SDK1: variants seen among roughly 807,000 people sequenced by gnomAD.
The protein encoded by SDK1 is sidekick cell adhesion molecule 1, also known as protein sidekick-1.
SDK1 carries 157 observed loss-of-function variants against 245.5 expected under a neutral mutation model. That is an observed-to-expected ratio of 0.64 (90% CI 0.56 to 0.73). The LOEUF is 0.73. Ranked by LOEUF, SDK1 falls within the 30% of genes least tolerant of loss-of-function variation. The pLI is 0.00. For missense variants in SDK1, 3,583 were observed against 3,002.3 expected (o/e 1.19, Z -4.52); for synonymous variants, 1,647 against 1,278.5 (o/e 1.29, Z -6.15).
At chr7:3,612,797 T>C (rs1781642574) in intron 1 of SDK1, among the ~76,000 whole-genome samples, 1 of 152,182 alleles carries the variant, frequency 6.6e-6, no homozygotes, top group African/African-American at 2.4e-5. Context: ...ACTGGCATTC[T>C]GGTCCTCCCG....
chr7:3,713,230 G>T (rs192321661), intron 4 of SDK1, among the ~76,000 whole-genome samples: 6 of 152,200 alleles, frequency 3.9e-5, no homozygotes, highest in African/African-American at 1.4e-4. Flanking sequence ...GTCTTCCTTT[G>T]TTAGGATAAG....
chr7:3,641,844 G>A (rs1782659653), intron 3 of SDK1, 114 bp from the exon 4 acceptor site: 1 of 841,420 alleles, frequency 1.2e-6, no homozygotes, highest in Middle Eastern at 2.5e-4. Context: ...GTCCTGGTGT[G>A]AAATGTGGCA....
chr7:3,727,519 C>T (rs943710374), intron 4 of SDK1, among the ~76,000 whole-genome samples: 1 of 152,120 alleles, frequency 6.6e-6, no homozygotes, highest in Non-Finnish European at 1.5e-5. Flanking sequence ...GAGACGGAGC[C>T]TCGCTCTGTC....
intron 1 of SDK1, among the ~76,000 whole-genome samples, chr7:3,346,696 T>C (rs1780507626): frequency 7.5e-6 from 1 of 133,392 alleles, no homozygotes; most frequent in Non-Finnish European, 1.6e-5. Context: ...TGTGTGTATG[T>C]GTGTTTGTGT....
intron 1 of SDK1, among the ~76,000 whole-genome samples, chr7:3,494,607 A>G (rs371214254): frequency 9.2e-5 from 14 of 152,200 alleles, no homozygotes; most frequent in Admixed American, 9.2e-4. Flanking sequence ...CTTAGCATTT[A>G]TTGTTCCTGT....
At chr7:3,391,635 ATT>A (rs10667421) in intron 1 of SDK1, among the ~76,000 whole-genome samples, 1,578 of 130,244 alleles carry the variant, frequency 0.012, 30 homozygotes, top group African/African-American at 0.04. Flanking sequence ...CTGTTAACTG[ATT>A]TTTTTTTTTT....
intron 5 of SDK1, among the ~76,000 whole-genome samples, chr7:3,907,995 T>C (rs566227419): frequency 6.6e-6 from 1 of 152,302 alleles, no homozygotes; most frequent in Admixed American, 6.5e-5. Flanking sequence ...TTGGGGGTGA[T>C]ACTGAACCAA....
intron 1 of SDK1, among the ~76,000 whole-genome samples, chr7:3,504,182 ATGTGTGTGTGTG>A (rs56306302): frequency 1.5e-5 from 2 of 131,886 alleles, no homozygotes; most frequent in East Asian, 2.1e-4. Context: ...ATATATATAT[ATGTGTGTGTGTG>A]TGTGTGTGTG....
chr7:4,139,727 GTGTGTGTGTA>G (rs1779437178), intron 28 of SDK1, among the ~76,000 whole-genome samples: 12 of 142,100 alleles, frequency 8.4e-5, no homozygotes, highest in South Asian at 4.9e-4. Flanking sequence ...GTGTATGTGT[GTGTGTGTGTA>G]TGTGTGTGTG....
intron 5 of SDK1, among the ~76,000 whole-genome samples, chr7:3,941,324 G>A (rs913563133): frequency 2.6e-5 from 4 of 152,012 alleles, no homozygotes; most frequent in African/African-American, 7.2e-5. Context: ...ACCCGCTCTA[G>A]ACAGTGTGCA....
At chr7:3,754,259 T>C (rs1779855575) in intron 4 of SDK1, among the ~76,000 whole-genome samples, 1 of 152,232 alleles carries the variant, frequency 6.6e-6, no homozygotes, top group Non-Finnish European at 1.5e-5. Context: ...ATATTGTGTT[T>C]TTAAGAAAGT....
intron 5 of SDK1, among the ~76,000 whole-genome samples, chr7:3,858,690 A>G (rs1780608617): frequency 6.6e-6 from 1 of 151,822 alleles, no homozygotes; most frequent in Non-Finnish European, 1.5e-5. Context: ...ACAAGCTTTA[A>G]AAGTAAGCAA....
chr7:3,842,631 A>C (rs978724011), intron 5 of SDK1, among the ~76,000 whole-genome samples: 1 of 152,166 alleles, frequency 6.6e-6, no homozygotes, highest in East Asian at 1.9e-4. Flanking sequence ...GTCAGTGGAC[A>C]GTTGTGACGA....
At chr7:3,966,800 C>T (rs1782118592) in intron 9 of SDK1, among the ~76,000 whole-genome samples, 3 of 152,086 alleles carry the variant, frequency 2.0e-5, no homozygotes, top group South Asian at 2.1e-4. Flanking sequence ...ATCCTCCTGC[C>T]TCCACCTCCC....
rs75092774 is a variant in SDK1, at chr7:3,542,343, C to G, written c.299-76737C>G. 6.2e-3 allele frequency among the ~76,000 whole-genome samples: 948 copies of G among 152,298 alleles called. 10 individuals carry two copies. The highest frequency in any genetic ancestry group is 0.022 in the African/African-American group (897 of 41,564). On this transcript the variant is annotated intron_variant, in intron 1 of 44. Coordinates refer to ENST00000404826, the MANE Select transcript of SDK1 (RefSeq NM_152744.4). ...CAGGGCTGGAAAGGTGATTACATTTCAGAAGGGTCCTTTCAGCCTGTGCCT... is the reference window on the plus strand; with the variant it reads ...CAGGGCTGGAAAGGTGATTACATTTGAGAAGGGTCCTTTCAGCCTGTGCCT...
intron 5 of SDK1, among the ~76,000 whole-genome samples, chr7:3,888,678 G>A (rs1403193542): frequency 1.3e-5 from 2 of 152,108 alleles, no homozygotes; most frequent in African/African-American, 2.4e-5. Context: ...ATCTAATTTA[G>A]GTTAAAAGTA....
rs529916006 is a variant in SDK1, at chr7:3,822,915, G to C, written c.847+1332G>C. ...AAACTCTGGGTGCAGGCGTCTGTGG[G>C]AGTTAACTGAGTGGGGTCTCAGATG... is the stretch of plus-strand genomic sequence containing the variant. On this transcript the variant is annotated intron_variant, in intron 5 of 44. Transcript: ENST00000404826. Among the ~76,000 whole-genome samples, 4 of 152,302 alleles carry C rather than the reference G, an allele frequency of 2.6e-5. No individual in the cohort carries two copies. The South Asian group carries it at 8.3e-4, about 32-fold the overall frequency.
intron 1 of SDK1, among the ~76,000 whole-genome samples, chr7:3,507,574 T>G (rs1522505): frequency 0.23 from 35,256 of 152,038 alleles, 4,452 homozygotes; most frequent in East Asian, 0.34. Context: ...CCCTCTGTAT[T>G]ATTATTTAAC....
chr7:3,964,583 C>G (rs1158459730), intron 9 of SDK1, among the ~76,000 whole-genome samples: 1 of 152,150 alleles, frequency 6.6e-6, no homozygotes, highest in African/African-American at 2.4e-5. Context: ...AAAATAAACT[C>G]AAGGTAAAGG....
Sources: allele counts gnomAD v4.1 joint callset (sites outside exome capture counted in the v4.1 genomes callset), GRCh38; gene constraint gnomAD v4.1.1; transcripts MANE v1.5; gene names NCBI Gene and HGNC (gene_info 2026-07-23, HGNC 2026-07-21).